SNTG2: variants seen among roughly 807,000 people sequenced by gnomAD.
The protein encoded by SNTG2 is syntrophin gamma 2.
A neutral mutation model predicts 70.9 loss-of-function variants in SNTG2; 74 were observed. The observed-to-expected ratio is 1.04, with a 90% confidence interval of 0.86 to 1.27. SNTG2 has a LOEUF of 1.27. Among genes scored for constraint, SNTG2 ranks in the 50% most tolerant of loss-of-function variants. SNTG2 has a pLI of 0.00. For missense variants in SNTG2, 717 were observed against 690.7 expected (o/e 1.04, Z -0.43); for synonymous variants, 278 against 273.8 (o/e 1.02, Z -0.15).
chr2:1,288,066 G>T (rs909468622), intron 14 of SNTG2, among the ~76,000 whole-genome samples: 24 of 152,178 alleles, frequency 1.6e-4, no homozygotes, highest in Non-Finnish European at 5.9e-5. Context: ...TAGGATAATA[G>T]AATTAATCCC....
chr2:1,281,663 C>T (rs982833737), intron 14 of SNTG2, among the ~76,000 whole-genome samples: 3 of 152,104 alleles, frequency 2.0e-5, no homozygotes, highest in African/African-American at 7.2e-5. Flanking sequence ...ACTTGCTTTG[C>T]TGCCAGCCAT....
chr2:1,244,495 G>C (rs1233863122), intron 11 of SNTG2, among the ~76,000 whole-genome samples: 1 of 152,032 alleles, frequency 6.6e-6, no homozygotes, highest in African/African-American at 2.4e-5. Flanking sequence ...AGGAGATTGA[G>C]ACCATCCTGG....
chr2:1,222,290 C>G (rs1197209154), intron 9 of SNTG2, among the ~76,000 whole-genome samples: 3 of 152,266 alleles, frequency 2.0e-5, no homozygotes, highest in African/African-American at 7.2e-5. Flanking sequence ...AAAGATGCTG[C>G]AAAGTCTCCG....
chr2:1,144,984 AAAG>A, intron 6 of SNTG2, among the ~76,000 whole-genome samples: 1 of 152,344 alleles, frequency 6.6e-6, no homozygotes, highest in South Asian at 2.1e-4. Flanking sequence ...CACACTGGTC[AAAG>A]AAGAAATCTC....
intron 6 of SNTG2, among the ~76,000 whole-genome samples, chr2:1,138,891 G>A (rs542383357): frequency 3.3e-5 from 5 of 152,312 alleles, no homozygotes; most frequent in South Asian, 4.1e-4. Flanking sequence ...GTAAATTTCC[G>A]TGAAACCAAG....
At chr2:1,174,086 A>G (rs1671312145) in intron 8 of SNTG2, among the ~76,000 whole-genome samples, 1 of 152,224 alleles carries the variant, frequency 6.6e-6, no homozygotes, top group Non-Finnish European at 1.5e-5. Context: ...GAAATTAAAA[A>G]TTGCATTTAG....
chr2:951,876 T>G (rs900664264), intron 1 of SNTG2, among the ~76,000 whole-genome samples: 1 of 152,000 alleles, frequency 6.6e-6, no homozygotes, highest in African/African-American at 2.4e-5. Context: ...TTAGGATTCC[T>G]TCCCCAGGAG....
At chr2:1,222,117 C>G (rs1259674745) in intron 9 of SNTG2, among the ~76,000 whole-genome samples, 4 of 37,502 alleles carry the variant, frequency 1.1e-4, no homozygotes, top group Non-Finnish European at 2.3e-4. Context: ...CTCTCTCTGT[C>G]TCTCTCTGTC....
intron 9 of SNTG2, among the ~76,000 whole-genome samples, chr2:1,212,651 A>G (rs1674120408): frequency 6.6e-6 from 1 of 152,220 alleles, no homozygotes; most frequent in African/African-American, 2.4e-5. Context: ...GGCTTAAGCT[A>G]TGAATTTTAT....
At chr2:1,333,180 C>G (rs1270992821) in intron 16 of SNTG2, among the ~76,000 whole-genome samples, 1 of 152,088 alleles carries the variant, frequency 6.6e-6, no homozygotes, top group African/African-American at 2.4e-5. Context: ...AGAATTAAAT[C>G]AAGAACTCAA....
At chr2:991,177 A>G (rs1661478330) in intron 1 of SNTG2, among the ~76,000 whole-genome samples, 1 of 152,166 alleles carries the variant, frequency 6.6e-6, no homozygotes, top group African/African-American at 2.4e-5. Context: ...CCAGATGGCA[A>G]TTGTGTTGTT....
intron 14 of SNTG2, 97 bp from the exon 15 acceptor site, chr2:1,308,396 TA>T: frequency 8.8e-7 from 1 of 1,137,414 alleles, no homozygotes; most frequent in Non-Finnish European, 1.3e-6. Context: ...GAGCATTTTA[TA>T]ATTTTTGACC....
At chr2:1,030,093 T>C (rs542997914) in intron 1 of SNTG2, among the ~76,000 whole-genome samples, 205 of 152,332 alleles carry the variant, frequency 1.3e-3, no homozygotes, top group African/African-American at 4.6e-3. Context: ...TCCTTGCCCC[T>C]TCGGAAGTGA....
At chr2:1,347,019 C>T (rs1660325069) in intron 16 of SNTG2, among the ~76,000 whole-genome samples, 1 of 151,956 alleles carries the variant, frequency 6.6e-6, no homozygotes, top group Non-Finnish European at 1.5e-5. Flanking sequence ...AAAAAAAAAT[C>T]TGTTCAAGGG....
chr2:1,031,528 A>ATATATATATATTT, intron 1 of SNTG2, among the ~76,000 whole-genome samples: 2 of 59,120 alleles, frequency 3.4e-5, no homozygotes, highest in Admixed American at 2.1e-4. Flanking sequence ...ATATATATAT[A>ATATATATATATTT]TTTTTTTTTT....
intron 11 of SNTG2, among the ~76,000 whole-genome samples, chr2:1,244,855 T>C (rs1308702387): frequency 6.6e-6 from 1 of 152,094 alleles, no homozygotes; most frequent in Non-Finnish European, 1.5e-5. Context: ...TTTTGCCTGC[T>C]GCAGTTATCC....
At chr2:1,126,213 C>A (rs529686289) in intron 4 of SNTG2, among the ~76,000 whole-genome samples, 1 of 152,088 alleles carries the variant, frequency 6.6e-6, no homozygotes, top group African/African-American at 2.4e-5. Flanking sequence ...GACCAGCTTC[C>A]GCATATGAGT....
At chr2:1,205,220 T>C (rs1673558103) in intron 8 of SNTG2, among the ~76,000 whole-genome samples, 1 of 152,210 alleles carries the variant, frequency 6.6e-6, no homozygotes, top group Non-Finnish European at 1.5e-5. Context: ...ACACAGTTTA[T>C]ATTAAACTGG....
intron 4 of SNTG2, among the ~76,000 whole-genome samples, chr2:1,123,062 GA>G (rs1247746507): frequency 2.0e-5 from 3 of 152,076 alleles, no homozygotes; most frequent in African/African-American, 7.2e-5. Flanking sequence ...AAACATTGAA[GA>G]AGATACCAAT....
Sources: allele counts gnomAD v4.1 joint callset (sites outside exome capture counted in the v4.1 genomes callset), GRCh38; gene constraint gnomAD v4.1.1; transcripts MANE v1.5; gene names NCBI Gene and HGNC (gene_info 2026-07-23, HGNC 2026-07-21).